Variants in C10orf90 observed in about 807,000 individuals in gnomAD.
C10orf90 encodes the protein chromosome 10 open reading frame 90.
A neutral mutation model predicts 62.5 loss-of-function variants in C10orf90; 56 were observed. The ratio of observed to expected loss-of-function variants is 0.90; its 90% CI spans 0.72 to 1.12. The LOEUF (loss-of-function observed/expected upper bound fraction) is 1.12, where lower values mean the gene tolerates loss of function less well. Ranked by LOEUF, C10orf90 falls within the 50% of genes most tolerant of loss-of-function variation. The pLI is 0.00. For synonymous variants in C10orf90, 386 were observed against 340.4 expected, an observed-to-expected ratio of 1.13 and a Z score of -1.47; for missense variants, 970 against 880.4, an observed-to-expected ratio of 1.10 and a Z score of -1.29.
At chr10:126,600,572 A>G (rs1474749476) in intron 2 of C10orf90, among the ~76,000 whole-genome samples, 3 of 152,122 alleles carry the variant, frequency 2.0e-5, no homozygotes, top group African/African-American at 4.8e-5. Context: ...AAACCCCCTC[A>G]CCCCAGCTTG....
intron 4 of C10orf90, among the ~76,000 whole-genome samples, chr10:126,479,640 T>C (rs1861069232): frequency 6.6e-6 from 1 of 152,230 alleles, no homozygotes; most frequent in Non-Finnish European, 1.5e-5. Flanking sequence ...CCTGCTGTTA[T>C]TTATACACAT....
chr10:126,458,610 G>A (rs958767655), intron 7 of C10orf90, among the ~76,000 whole-genome samples: 2 of 152,176 alleles, frequency 1.3e-5, no homozygotes, highest in Non-Finnish European at 1.5e-5. Flanking sequence ...TATTCTCTGA[G>A]CTCACAGCAG....
At chr10:126,484,211 A>C (rs1861309770) in intron 4 of C10orf90, among the ~76,000 whole-genome samples, 1 of 151,866 alleles carries the variant, frequency 6.6e-6, no homozygotes, top group Non-Finnish European at 1.5e-5. Context: ...TCTCTTCATG[A>C]ATACGCCAAT....
rs750928681 is a variant in C10orf90 at position 126,504,974 on chromosome 10, T to TGG, written c.515_516dup (p.Ile173ProfsTer33). 1.3e-5 allele frequency: 21 copies of TGG among 1,614,262 alleles called. No individual in the cohort carries two copies. The highest frequency in any genetic ancestry group is 4.5e-5 in the East Asian group (2 of 44,884). The stretch of plus-strand genomic sequence containing the variant: ...GCGTGATGTGCACGAGACTGAGCAA[T>TGG]GGCACACGGTAGGGGCAAGGAGGCC... On this transcript the variant is annotated frameshift_variant, in exon 4 of 10. Coordinates refer to ENST00000488181, the MANE Select transcript of C10orf90 (RefSeq NM_001350921.2). LOFTEE classifies it high-confidence loss of function. This position sits in a 1 kb window ranked among gnomAD's most constrained non-coding sequence, Gnocchi z 4.1.
chr10:126,643,488 C>G (rs573329498), intron 2 of C10orf90, among the ~76,000 whole-genome samples: 44 of 152,310 alleles, frequency 2.9e-4, no homozygotes, highest in Middle Eastern at 3.4e-3. Context: ...CATTGCCCCA[C>G]TAGCTCATCA....
chr10:126,492,512 A>T (rs1057232540), intron 4 of C10orf90, among the ~76,000 whole-genome samples: 2 of 152,346 alleles, frequency 1.3e-5, no homozygotes, highest in African/African-American at 4.8e-5. Flanking sequence ...TTATTTCAAA[A>T]TTCAAAGTTT....
intron 2 of C10orf90, among the ~76,000 whole-genome samples, chr10:126,606,610 G>C (rs1481184129): frequency 6.6e-6 from 1 of 152,132 alleles, no homozygotes; most frequent in Non-Finnish European, 1.5e-5. Context: ...CCACCTCCGA[G>C]GAACTTTGAG....
chr10:126,546,995 G>C (rs954016671), intron 2 of C10orf90, among the ~76,000 whole-genome samples: 5 of 152,154 alleles, frequency 3.3e-5, no homozygotes, highest in Non-Finnish European at 7.4e-5. Context: ...GCATGGTTGC[G>C]CATACCTGTA....
intron 2 of C10orf90, among the ~76,000 whole-genome samples, chr10:126,559,612 G>T (rs965277069): frequency 9.9e-5 from 15 of 152,114 alleles, no homozygotes; most frequent in African/African-American, 3.6e-4. Flanking sequence ...TTCTGCCTCC[G>T]CCTGGTTGCT....
chr10:126,571,460 C>G (rs926380131), intron 2 of C10orf90, among the ~76,000 whole-genome samples: 1 of 152,320 alleles, frequency 6.6e-6, no homozygotes, highest in African/African-American at 2.4e-5. Flanking sequence ...CAGGGACAGG[C>G]TGATTACCTG....
At chr10:126,457,212 C>T (rs750264082) in intron 7 of C10orf90, among the ~76,000 whole-genome samples, 1 of 152,200 alleles carries the variant, frequency 6.6e-6, no homozygotes, top group Non-Finnish European at 1.5e-5. Context: ...TGGTCTTGAA[C>T]TCCTGGGCTC....
intron 2 of C10orf90, among the ~76,000 whole-genome samples, chr10:126,585,714 A>T: frequency 6.6e-6 from 1 of 152,202 alleles, no homozygotes; most frequent in Non-Finnish European, 1.5e-5. Context: ...GGATTTATGA[A>T]TTGAAGACCA....
intron 2 of C10orf90, among the ~76,000 whole-genome samples, chr10:126,540,152 C>T (rs996297796): frequency 6.6e-6 from 1 of 152,102 alleles, no homozygotes; most frequent in Non-Finnish European, 1.5e-5. Flanking sequence ...AGACATCTAA[C>T]ATCAAATATG....
intron 2 of C10orf90, among the ~76,000 whole-genome samples, chr10:126,517,026 C>G (rs1325375701): frequency 2.6e-5 from 4 of 152,098 alleles, no homozygotes; most frequent in South Asian, 4.2e-4. Context: ...AGGTTATTAA[C>G]TATATCTCAT....
chr10:126,641,760 T>C (rs761586477), intron 2 of C10orf90, among the ~76,000 whole-genome samples: 2 of 152,178 alleles, frequency 1.3e-5, no homozygotes, highest in Non-Finnish European at 2.9e-5. Context: ...GATGTGAGTT[T>C]GGACAGAATA....
chr10:126,579,574 C>G (rs980536556), intron 2 of C10orf90, among the ~76,000 whole-genome samples: 1 of 152,218 alleles, frequency 6.6e-6, no homozygotes, highest in South Asian at 2.1e-4. Flanking sequence ...TTACACTGAA[C>G]AAATTTTGCT....
Position 126,568,232 on chromosome 10 carries a change from G to T in C10orf90, c.314-54293C>A, listed in dbSNP as rs149461944. Among the ~76,000 whole-genome samples the T allele has an allele frequency of 8.5e-5, 13 of 152,316 alleles. No homozygotes were observed. The East Asian group carries it at 2.5e-3, about 29-fold the overall frequency. Reference sequence around the variant, plus strand: ...CAGGCCGGACCCAACCGGGCTCTGTGTCCAGAGTCACACAAGGCTGGAATC... The same window carrying T: ...CAGGCCGGACCCAACCGGGCTCTGTTTCCAGAGTCACACAAGGCTGGAATC... On this transcript the variant is annotated intron_variant, in intron 2 of 9. Coordinates refer to ENST00000488181, the MANE Select transcript of C10orf90 (RefSeq NM_001350921.2).
At chr10:126,580,898 C>G (rs1047916332) in intron 2 of C10orf90, among the ~76,000 whole-genome samples, 3 of 151,800 alleles carry the variant, frequency 2.0e-5, no homozygotes, top group Non-Finnish European at 4.4e-5. Flanking sequence ...CCTCCCTCTA[C>G]CCATAAGTAG....
intron 3 of C10orf90, among the ~76,000 whole-genome samples, chr10:126,505,985 C>A (rs185030163): frequency 7.5e-4 from 114 of 152,044 alleles, no homozygotes; most frequent in African/African-American, 2.5e-3. Context: ...AACAAACAAT[C>A]AAAAAAAATC....
Sources: allele counts gnomAD v4.1 joint callset (sites outside exome capture counted in the v4.1 genomes callset), GRCh38; gene constraint gnomAD v4.1.1; non-coding constraint Gnocchi (gnomAD v3.1); transcripts MANE v1.5; gene names NCBI Gene and HGNC (gene_info 2026-07-23, HGNC 2026-07-21).